Variants in EPG5 observed in about 807,000 individuals in gnomAD.
EPG5 encodes the protein ectopic P granules protein 5 homolog.
EPG5 carries 159 observed loss-of-function variants against 302.7 expected under a neutral mutation model. That is an observed-to-expected ratio of 0.53 (90% CI 0.46 to 0.60). EPG5 has a LOEUF of 0.60. Ranked by LOEUF, EPG5 falls within the 20% of genes least tolerant of loss-of-function variation. The probability of loss-of-function intolerance (pLI) is 0.00; values close to 1 mark genes in which losing one functional copy is unlikely to be tolerated. For missense variants in EPG5, 2,896 were observed against 3,092.4 expected (o/e 0.94, Z 1.51); for synonymous variants, 1,158 against 1,136.8 (o/e 1.02, Z -0.37).
At chr18:45,911,052 AATCTATCT>A (rs537576512) in intron 22 of EPG5, among the ~76,000 whole-genome samples, 1 of 146,076 alleles carries the variant, frequency 6.8e-6, no homozygotes, top group African/African-American at 2.6e-5. Context: ...AGCGACTAAG[AATCTATCT>A]ATCTATCTAT....
chr18:45,952,353 T>A, intron 3 of EPG5, 47 bp downstream of exon 3: 2 of 1,599,000 alleles, frequency 1.3e-6, no homozygotes, highest in Non-Finnish European at 1.7e-6. Flanking sequence ...CCCCTCAATT[T>A]TTTTTTACTT....
At chr18:45,886,187 A>C (rs560402784) in intron 29 of EPG5, among the ~76,000 whole-genome samples, 1 of 152,368 alleles carries the variant, frequency 6.6e-6, no homozygotes, top group African/African-American at 2.4e-5. Context: ...TTGACACAGC[A>C]ATCATACCTC....
chr18:45,840,256 C>T, the EPG5 span: 2,728 of 1,610,230 alleles, frequency 1.7e-3, 27 homozygotes, highest in East Asian at 0.026. Context: ...GTGAGCTCCC[C>T]GCCTCCACCC....
chr18:45,802,180 A>G, the EPG5 span, among the ~76,000 whole-genome samples: 1 of 152,102 alleles, frequency 6.6e-6, no homozygotes, highest in African/African-American at 2.4e-5. Context: ...AACACTCTCC[A>G]GTCAGGGAAG....
chr18:45,956,089 TA>T (rs2051024745), intron 1 of EPG5, among the ~76,000 whole-genome samples: 1 of 152,196 alleles, frequency 6.6e-6, no homozygotes, highest in Admixed American at 6.5e-5. Context: ...AGGAAAATAG[TA>T]AGTTTCAGTG....
At chr18:45,838,981 C>T in the EPG5 span, 21 of 1,600,984 alleles carry the variant, frequency 1.3e-5, no homozygotes, top group East Asian at 1.6e-4. Context: ...CTACCTGTTC[C>T]GCTTCCATGG....
chr18:45,942,257 G>C (rs114863457), intron 9 of EPG5, among the ~76,000 whole-genome samples: 5 of 152,008 alleles, frequency 3.3e-5, no homozygotes, highest in Non-Finnish European at 7.4e-5. Flanking sequence ...CCCTTTTAGG[G>C]CATCCTATAA....
Position 45,876,294 on chromosome 18 carries a change from G to C in EPG5, c.5991C>G (p.Ala1997=). ...YPWLESDTVV[A]SSIVQLFTDC... ...CAGTGAACAGCTGCACAATGCTTGAGGCCACCACAGTATCACTCTCTAGCC... is the reference window on the plus strand; with the variant it reads ...CAGTGAACAGCTGCACAATGCTTGACGCCACCACAGTATCACTCTCTAGCC... The change falls in exon 35 of 44, where the codon GCC becomes GCG. Residue 1997 remains alanine (A), a synonymous_variant. Coordinates refer to ENST00000282041, the MANE Select transcript of EPG5 (RefSeq NM_020964.3). 1 of 1,614,072 alleles carries C rather than the reference G, an allele frequency of 6.2e-7. No individual in the cohort carries two copies. The highest frequency in any genetic ancestry group is 8.5e-7 in the Non-Finnish European group (1 of 1,180,000).
intron 1 of EPG5, among the ~76,000 whole-genome samples, chr18:45,961,607 T>C (rs569560306): frequency 1.6e-4 from 25 of 152,288 alleles, no homozygotes; most frequent in African/African-American, 6.0e-4. Context: ...AAGCCTGTAA[T>C]CCCAGCACTT....
chr18:45,830,225 T>C, the EPG5 span, among the ~76,000 whole-genome samples: 1 of 152,332 alleles, frequency 6.6e-6, no homozygotes, highest in South Asian at 2.1e-4. Context: ...AAACCAAGGT[T>C]TCTGTTTCTG....
chr18:45,813,126 A>T, the EPG5 span, among the ~76,000 whole-genome samples: 4 of 152,266 alleles, frequency 2.6e-5, no homozygotes, highest in Admixed American at 6.5e-5. Flanking sequence ...GACACGTCTC[A>T]AAAGAAGACA....
chr18:45,846,501 A>T (rs2048365208), downstream of EPG5, among the ~76,000 whole-genome samples: 1 of 147,524 alleles, frequency 6.8e-6, no homozygotes, highest in Non-Finnish European at 1.5e-5. Context: ...AGCCTAGGCA[A>T]CAAGAGCAAA....
chr18:45,919,492 T>A (rs2050104831), intron 16 of EPG5, among the ~76,000 whole-genome samples: 1 of 151,884 alleles, frequency 6.6e-6, no homozygotes, highest in South Asian at 2.1e-4. Flanking sequence ...TCAGACACTG[T>A]TCTAGGCATG....
At chr18:45,845,629 G>C (rs560781862), downstream of EPG5, among the ~76,000 whole-genome samples, 2 of 152,208 alleles carry the variant, frequency 1.3e-5, no homozygotes, top group South Asian at 4.1e-4. Flanking sequence ...GGTGTCCTGC[G>C]GCACGGAGTC....
At chr18:45,881,813 T>C (rs1187525964) in intron 31 of EPG5, among the ~76,000 whole-genome samples, 1 of 152,184 alleles carries the variant, frequency 6.6e-6, no homozygotes, top group Non-Finnish European at 1.5e-5. Context: ...TGGATAAAAT[T>C]AATTTGCAAA....
In EPG5 at chr18:45,867,093, C is replaced by G. The variant is rs572189478; in HGVS notation, c.6412-86G>C. On this transcript the variant is annotated intron_variant, in intron 37 of 43. Transcript: ENST00000282041. Reference sequence around the variant, plus strand: ...TGCTAACTAGTCTGTGGAATAACTACTAAGATGGCCTATGGTAAGCACAGA... The same window carrying G: ...TGCTAACTAGTCTGTGGAATAACTAGTAAGATGGCCTATGGTAAGCACAGA... 6 of 868,288 alleles carry G rather than the reference C, an allele frequency of 6.9e-6. No individual in the cohort carries two copies. In the East Asian group the frequency reaches 1.6e-4, roughly 22 times the overall value. The allele number at this position is 868,288 out of a possible 1,614,324, so 53.8% of individuals were successfully genotyped here. A position where few individuals can be genotyped will look rare whatever the true frequency, so the allele number is the denominator to read the frequency against.
intron 29 of EPG5, among the ~76,000 whole-genome samples, chr18:45,886,680 CAG>C (rs1464428102): frequency 1.3e-5 from 2 of 151,808 alleles, no homozygotes; most frequent in East Asian, 1.9e-4. Flanking sequence ...TTTTTTGAGA[CAG>C]AGTTTTGCTC....
chr18:45,955,818 T>C (rs2035284077), intron 1 of EPG5, among the ~76,000 whole-genome samples: 1 of 152,196 alleles, frequency 6.6e-6, no homozygotes, highest in South Asian at 2.1e-4. Context: ...CAGGAGCCCA[T>C]ACTGACATAA....
intron 30 of EPG5, among the ~76,000 whole-genome samples, chr18:45,883,668 A>G (rs1204450405): frequency 8.7e-6 from 1 of 114,774 alleles, no homozygotes; most frequent in Non-Finnish European, 1.6e-5. Flanking sequence ...TGTGTTGGCC[A>G]GACTGGTCTC....
Sources: allele counts gnomAD v4.1 joint callset (sites outside exome capture counted in the v4.1 genomes callset), GRCh38; gene constraint gnomAD v4.1.1; transcripts MANE v1.5; gene names NCBI Gene and HGNC (gene_info 2026-07-23, HGNC 2026-07-21).